Variants in CLCN3 observed in about 807,000 individuals in gnomAD.
CLCN3 encodes the protein H(+)/Cl(-) exchange transporter 3.
A neutral mutation model predicts 83.4 loss-of-function variants in CLCN3; 16 were observed. The ratio of observed to expected loss-of-function variants is 0.19; its 90% CI spans 0.13 to 0.29. CLCN3 has a LOEUF of 0.29. Among genes scored for constraint, CLCN3 ranks in the 10% least tolerant of loss-of-function variants. The probability of loss-of-function intolerance (pLI) is 1.00; values close to 1 mark genes in which losing one functional copy is unlikely to be tolerated. For missense variants in CLCN3, 544 were observed against 1,006.0 expected (o/e 0.54, Z 6.21); for synonymous variants, 322 against 346.2 (o/e 0.93, Z 0.78).
intron 2 of CLCN3, among the ~76,000 whole-genome samples, chr4:169,667,815 C>T (rs1334448352): frequency 2.0e-5 from 3 of 151,386 alleles, no homozygotes; most frequent in Non-Finnish European, 3.0e-5. Flanking sequence ...GCACAACCTC[C>T]ACTCACTGCA....
intron 2 of CLCN3, among the ~76,000 whole-genome samples, chr4:169,650,510 A>G (rs1246359240): frequency 6.6e-6 from 1 of 152,228 alleles, no homozygotes; most frequent in East Asian, 1.9e-4. Context: ...AAATTTGACA[A>G]CATATATTCT....
chr4:169,717,076 T>C (rs1452085771), intron 12 of CLCN3, among the ~76,000 whole-genome samples: 2 of 152,242 alleles, frequency 1.3e-5, no homozygotes, highest in Non-Finnish European at 2.9e-5. Flanking sequence ...TGAGAATTTA[T>C]GTCCATCACT....
At chr4:169,702,789 A>AAAAG in intron 9 of CLCN3, 1 of 110,840 alleles carries the variant, frequency 9.0e-6, no homozygotes. Context: ...AAAAAAAAAA[A>AAAAG]AAAAAAAAGA....
rs752639933 is a variant in CLCN3, at chr4:169,695,712, C to T, written c.1017+20C>T. 6 of 1,503,050 alleles carry T rather than the reference C, an allele frequency of 4.0e-6. No individual in the cohort carries two copies. Among genetic ancestry groups the T allele is most frequent in the Non-Finnish European group, 5.5e-6 (6 of 1,084,372 alleles). 93.1% of individuals were successfully genotyped at this position (1,503,050 alleles called of 1,614,324 possible). On this transcript the variant is annotated intron_variant, in intron 8 of 12. Coordinates refer to ENST00000513761, the MANE Select transcript of CLCN3 (RefSeq NM_001829.4). ...GAAGAGGTAGGTGAAAAGAATACAA[C>T]AATTAAAATTATATATAATTACCAT...
intron 2 of CLCN3, chr4:169,660,503 G>A: frequency 8.1e-7 from 1 of 1,227,824 alleles, no homozygotes; most frequent in Non-Finnish European, 1.0e-6. Context: ...CATGCGGCTG[G>A]GCGGTCCTCT....
intron 1 of CLCN3, among the ~76,000 whole-genome samples, chr4:169,634,970 G>T (rs116066997): frequency 0.043 from 6,507 of 152,220 alleles, 178 homozygotes; most frequent in Non-Finnish European, 0.059. Flanking sequence ...AAAGCTCTTT[G>T]AGGTTATCTT....
At chr4:169,712,953 A>C in intron 11 of CLCN3, 126 bp from the exon 12 acceptor site, 1 of 667,426 alleles carries the variant, frequency 1.5e-6, no homozygotes, top group Non-Finnish European at 2.6e-6. Flanking sequence ...GTTAAGGAGA[A>C]GATAGGAAAA....
intron 10 of CLCN3, among the ~76,000 whole-genome samples, chr4:169,706,315 C>G (rs965427321): frequency 6.6e-6 from 1 of 152,124 alleles, no homozygotes; most frequent in African/African-American, 2.4e-5. Context: ...CAGGCATGAG[C>G]CACAGTGCCT....
Position 169,692,190 on chromosome 4 carries a change from T to C in CLCN3, c.806T>C (p.Leu269Ser), listed in dbSNP as rs1451554958. ...KWTLMIKTIT[L>S]VLAVASGLSL... is the part of the protein sequence containing the mutation. Reference sequence around the variant, plus strand: ...ACTTTAATGATTAAAACCATCACATTAGTCCTGGCTGTGGCATCAGGTTTG... The same window carrying C: ...ACTTTAATGATTAAAACCATCACATCAGTCCTGGCTGTGGCATCAGGTTTG... Residue 269 changes from leucine (L) to serine (S), a missense_variant, in exon 7 of 13, where the codon TTA becomes TCA. Leu to Ser is a moderately radical substitution (Grantham distance 145). Coordinates refer to ENST00000513761, the MANE Select transcript of CLCN3 (RefSeq NM_001829.4). 6.2e-7 allele frequency: 1 copy of C among 1,612,200 alleles called. No individual in the cohort carries two copies. The highest frequency in any genetic ancestry group is 8.5e-7 in the Non-Finnish European group (1 of 1,178,404).
intron 2 of CLCN3, among the ~76,000 whole-genome samples, chr4:169,646,220 A>C (rs762895164): frequency 6.6e-6 from 1 of 152,162 alleles, no homozygotes; most frequent in Non-Finnish European, 1.5e-5. Flanking sequence ...TTCTTTGTAA[A>C]ATAGTCATCT....
rs200062900 is a variant in CLCN3, at chr4:169,717,808, A to C, written c.2367-2099A>C. On this transcript the variant is annotated intron_variant, in intron 12 of 12. Transcript: ENST00000513761. ...CTGTTTCAGGATTGTCTTGGGGATC[A>C]TCACAAAGAAGAACATATTAGAGCA... is the stretch of plus-strand genomic sequence containing the variant. The C allele has an allele frequency of 1.2e-6, 2 of 1,612,132 alleles. No homozygotes were observed. Among genetic ancestry groups the C allele is most frequent in the Admixed American group, 1.7e-5 (1 of 60,022 alleles).
intron 12 of CLCN3, among the ~76,000 whole-genome samples, chr4:169,715,741 C>T (rs1335581959): frequency 6.6e-6 from 1 of 151,842 alleles, no homozygotes; most frequent in Non-Finnish European, 1.5e-5. Flanking sequence ...TGGTTTTCTG[C>T]ACTTTATATT....
intron 9 of CLCN3, among the ~76,000 whole-genome samples, chr4:169,700,966 T>G (rs1240638775): frequency 6.6e-6 from 1 of 152,240 alleles, no homozygotes; most frequent in Non-Finnish European, 1.5e-5. Context: ...GAGGTAGGAC[T>G]GGCTGTAGCA....
rs902326223 is a variant in CLCN3, at chr4:169,638,001, T to C, written c.160+1913T>C. On this transcript the variant is annotated intron_variant, in intron 2 of 12. Transcript: ENST00000513761. ...CCCAGGATATATATGAGTTTTGTTT[T>C]TTAAATTTGTTTTTGTCTTTTATTG... Among the ~76,000 whole-genome samples, 4 of 152,328 alleles carry C rather than the reference T, an allele frequency of 2.6e-5. No individual in the cohort carries two copies. In the South Asian group the frequency reaches 8.3e-4, roughly 32 times the overall value.
At chr4:169,651,725 A>G (rs1272287285) in intron 2 of CLCN3, among the ~76,000 whole-genome samples, 2 of 152,182 alleles carry the variant, frequency 1.3e-5, no homozygotes, top group Admixed American at 6.5e-5. Flanking sequence ...TTTTCAAGCC[A>G]TAGTTGGTTG....
rs758888478 is a variant in CLCN3 at position 169,689,053 on chromosome 4, C to T, written c.429C>T (p.Ala143=). The change falls in exon 5 of 13, where the codon GCC becomes GCT. Residue 143 remains alanine, a synonymous_variant. Coordinates refer to ENST00000513761, the MANE Select transcript of CLCN3 (RefSeq NM_001829.4). ...AACATGTTTTTATAGGGGCACTGGC[C>T]GGATTAATAGACATTGCTGCCGATT... The part of the protein sequence containing the change: ...TLTGLASGAL[A]GLIDIAADWM... 1.4e-5 allele frequency: 22 copies of T among 1,609,618 alleles called. No individual in the cohort carries two copies. The highest frequency in any genetic ancestry group is 3.3e-4 in the Middle Eastern group (2 of 6,076).
At chr4:169,649,890 T>G (rs1218553571) in intron 2 of CLCN3, among the ~76,000 whole-genome samples, 1 of 152,046 alleles carries the variant, frequency 6.6e-6, no homozygotes, top group Non-Finnish European at 1.5e-5. Context: ...TTGAGACCAG[T>G]CTGGGCAACA....
intron 2 of CLCN3, among the ~76,000 whole-genome samples, chr4:169,679,342 G>T (rs1157077294): frequency 6.6e-6 from 1 of 151,636 alleles, no homozygotes; most frequent in African/African-American, 2.4e-5. Context: ...TGGCGGCGGG[G>T]AAGAGGCGCT....
At chr4:169,639,060 C>T (rs567943176) in intron 2 of CLCN3, among the ~76,000 whole-genome samples, 5 of 152,258 alleles carry the variant, frequency 3.3e-5, no homozygotes, top group South Asian at 2.1e-4. Flanking sequence ...GACAGAGTCT[C>T]GCTCTTTTGC....
Sources: allele counts gnomAD v4.1 joint callset (sites outside exome capture counted in the v4.1 genomes callset), GRCh38; gene constraint gnomAD v4.1.1; transcripts MANE v1.5; gene names NCBI Gene and HGNC (gene_info 2026-07-23, HGNC 2026-07-21).